The following BLM variants were observed in gnomAD, a reference collection of about 807,000 sequenced individuals.
BLM encodes the protein recQ-like DNA helicase BLM.
In BLM, 95 loss-of-function variants were observed where a neutral mutation model predicts 135.3. The observed-to-expected ratio is 0.70, with a 90% CI of 0.59 to 0.83. The LOEUF is 0.83. Among genes scored for constraint, BLM ranks in the 40% least tolerant of loss-of-function variants. The probability of loss-of-function intolerance (pLI) is 0.00; values close to 1 mark genes in which losing one functional copy is unlikely to be tolerated. For missense variants in BLM, 1,518 were observed against 1,663.9 expected, an observed-to-expected ratio of 0.91 and a Z score of 1.53; for synonymous variants, 520 against 589.2, an observed-to-expected ratio of 0.88 and a Z score of 1.70.
chr15:90,729,057 C>T (rs1234469784), intron 1 of BLM, among the ~76,000 whole-genome samples: 1 of 152,036 alleles, frequency 6.6e-6, no homozygotes, highest in Non-Finnish European at 1.5e-5. Context: ...CACCTGTAAT[C>T]CCAGCACTTT....
At chr15:90,799,682 A>G (rs1331823265) in intron 17 of BLM, among the ~76,000 whole-genome samples, 2 of 149,970 alleles carry the variant, frequency 1.3e-5, no homozygotes, top group Non-Finnish European at 3.0e-5. Flanking sequence ...ATTTGAGAAT[A>G]CTAAGAGTTA....
rs587779889 is a variant in BLM at position 90,811,222 on chromosome 15, G to A, written c.3892G>A (p.Gly1298Arg). The part of the protein sequence containing the change: ...WTSPAEDSSP[G>R]ISLSSSRGPG... ...ATTTGTAGCTGAAGACAGTTCCCCA[G>A]GGATAAGCCTGTCCAGCAGCAGAGG... The change falls in exon 21 of 22, where the codon GGG becomes AGG. Residue 1298 changes from glycine to arginine, a missense_variant. Transcript: ENST00000355112. 22 of 1,613,330 alleles carry A rather than the reference G, an allele frequency of 1.4e-5. No homozygotes were observed. The highest frequency in any genetic ancestry group is 1.7e-5 in the Non-Finnish European group (20 of 1,180,028).
At chr15:90,795,244 C>T (rs185743110) in intron 16 of BLM, among the ~76,000 whole-genome samples, 8 of 152,034 alleles carry the variant, frequency 5.3e-5, no homozygotes, top group Admixed American at 2.0e-4. Context: ...TTTGGGAGGC[C>T]GAGGCAGGAG....
intron 16 of BLM, among the ~76,000 whole-genome samples, chr15:90,796,719 A>G (rs7164446): frequency 0.013 from 2,011 of 152,332 alleles, 45 homozygotes; most frequent in African/African-American, 0.046. Context: ...TGCCAAGTTC[A>G]GCCACATAGG....
At chr15:90,756,280 T>C (rs1308560406) in intron 5 of BLM, among the ~76,000 whole-genome samples, 1 of 152,154 alleles carries the variant, frequency 6.6e-6, no homozygotes. Context: ...ATTTTTTGTA[T>C]TTCTAATAGA....
intron 12 of BLM, among the ~76,000 whole-genome samples, chr15:90,781,377 C>T (rs547718177): frequency 6.6e-6 from 1 of 152,302 alleles, no homozygotes; most frequent in African/African-American, 2.4e-5. Flanking sequence ...GTAATCCCAG[C>T]ACTTTGAGAG....
intron 12 of BLM, among the ~76,000 whole-genome samples, chr15:90,775,948 C>A (rs1473835715): frequency 6.6e-6 from 1 of 152,178 alleles, no homozygotes; most frequent in Non-Finnish European, 1.5e-5. Flanking sequence ...CCACCTTAAT[C>A]TTCTAAATAG....
Position 90,749,913 on chromosome 15 carries a change from C to T in BLM, c.645C>T (p.Ser215=), listed in dbSNP as rs56218710. The change falls in exon 3 of 22, where the codon AGC becomes AGT. Residue 215 remains serine, a synonymous_variant. Transcript: ENST00000355112. ...ATTTGCCTCCACCCTCCTCTGAAAG[C>T]GAGCAAATAGATTTGACTGAGGAAC... ...KTDLPPPSSE[S]EQIDLTEEQK... The T allele has an allele frequency of 9.7e-5, 157 of 1,612,936 alleles. No homozygotes were observed. The African/African-American group carries it at 1.5e-3, about 15-fold the overall frequency.
intron 1 of BLM, among the ~76,000 whole-genome samples, chr15:90,719,216 C>T (rs1035896913): frequency 6.6e-6 from 1 of 152,172 alleles, no homozygotes; most frequent in Non-Finnish European, 1.5e-5. Context: ...TGGTCTCGAT[C>T]TCCTGACCTC....
intron 19 of BLM, chr15:90,808,927 C>G: frequency 3.1e-6 from 2 of 645,496 alleles, no homozygotes; most frequent in East Asian, 5.7e-5. Context: ...TGGCCTATGC[C>G]GCTGGAATTG....
chr15:90,799,074 A>C (rs968694889), intron 17 of BLM, among the ~76,000 whole-genome samples: 2 of 151,682 alleles, frequency 1.3e-5, no homozygotes, highest in Admixed American at 6.6e-5. Flanking sequence ...CTGAGGCAGG[A>C]GAATCGCTTG....
chr15:90,755,688 T>A (rs1029940339), intron 5 of BLM, among the ~76,000 whole-genome samples: 1 of 152,192 alleles, frequency 6.6e-6, no homozygotes, highest in African/African-American at 2.4e-5. Context: ...TTCCTGGAAC[T>A]TCTATGATTT....
chr15:90,763,462 G>A (rs920305415), intron 8 of BLM, among the ~76,000 whole-genome samples: 4 of 152,014 alleles, frequency 2.6e-5, no homozygotes, highest in African/African-American at 4.8e-5. Flanking sequence ...CAGAAAAATC[G>A]CTGTCAGAGA....
At chr15:90,797,101 G>A (rs72751869) in intron 16 of BLM, among the ~76,000 whole-genome samples, 25,033 of 152,030 alleles carry the variant, frequency 0.16, 2,153 homozygotes, top group Non-Finnish European at 0.19. Context: ...GATCAGCTCT[G>A]TATACCTAAT....
chr15:90,717,603 G>T (rs748963354), intron 1 of BLM, among the ~76,000 whole-genome samples, 163 bp downstream of exon 1: 1 of 152,252 alleles, frequency 6.6e-6, no homozygotes, highest in Non-Finnish European at 1.5e-5. Context: ...GAGGACAGCA[G>T]ATACATAAAT....
intron 5 of BLM, chr15:90,759,856 C>T (rs1895916189): frequency 9.3e-6 from 3 of 322,222 alleles, no homozygotes; most frequent in Non-Finnish European, 1.2e-5. Flanking sequence ...ATCTACCCTT[C>T]TTGGCCTCCC....
At chr15:90,727,609 G>A (rs1358951253) in intron 1 of BLM, among the ~76,000 whole-genome samples, 3 of 152,100 alleles carry the variant, frequency 2.0e-5, no homozygotes, top group Non-Finnish European at 1.5e-5. Context: ...AAAACCCCTA[G>A]ATTCAGAGTC....
chr15:90,760,832 T>C lies in BLM; in HGVS notation c.1459T>C (p.Phe487Leu), dbSNP rs765565919. Residue 487 changes from phenylalanine to leucine, a missense_variant, in exon 7 of 22, where the codon TTT becomes CTT. Phe to Leu is a conservative substitution (Grantham distance 22). Around this residue, in one of 5 missense-constraint regions of BLM, gnomAD observed 724 missense variants for 756.9 expected, o/e 0.96. Transcript: ENST00000355112. ...ATTCTCTGCCACCAGGAAGAATCTTTTTGAAAGGCCTTTATTCAATACCCA... is the reference window on the plus strand; with the variant it reads ...ATTCTCTGCCACCAGGAAGAATCTTCTTGAAAGGCCTTTATTCAATACCCA... ...TGFSATRKNL[F>L]ERPLFNTHLQ... The C allele has an allele frequency of 1.9e-6, 3 of 1,614,120 alleles. No homozygotes were observed. Among genetic ancestry groups the C allele is most frequent in the Non-Finnish European group, 2.5e-6 (3 of 1,180,040 alleles).
intron 1 of BLM, among the ~76,000 whole-genome samples, chr15:90,721,568 C>T (rs1287276445): frequency 6.6e-6 from 1 of 152,014 alleles, no homozygotes; most frequent in Non-Finnish European, 1.5e-5. Context: ...GGTGATCTAC[C>T]CACTTTGGCT....
Sources: gnomAD v4.1 joint callset for allele counts (sites outside exome capture counted in the v4.1 genomes callset) on GRCh38, gnomAD v4.1.1 for gene constraint, gnomAD v4.1.1 regional missense constraint, MANE v1.5 for transcripts, NCBI Gene and HGNC (gene_info 2026-07-23, HGNC 2026-07-21) for gene names.